SH3GL2: variants seen among roughly 807,000 people sequenced by gnomAD.
The protein encoded by SH3GL2 is endophilin-A1.
Under a neutral mutation model 46.0 loss-of-function variants are expected in SH3GL2, and 24 were observed. The ratio of observed to expected loss-of-function variants is 0.52; its 90% CI spans 0.38 to 0.73. The LOEUF is 0.73. SH3GL2 is among the 30% of genes least tolerant of loss of function. SH3GL2 has a pLI of 0.00. For missense variants in SH3GL2, 413 were observed against 424.2 expected, an observed-to-expected ratio of 0.97 and a Z score of 0.23; for synonymous variants, 196 against 147.1, an observed-to-expected ratio of 1.33 and a Z score of -2.40.
chr9:17,795,494 T>C (rs1379268958), intron 8 of SH3GL2, 50 bp from the exon 9 acceptor site: 2 of 1,473,730 alleles, frequency 1.4e-6, no homozygotes, highest in East Asian at 2.3e-5. Flanking sequence ...GTGAGTTAAA[T>C]ACCCCTTATC....
intron 1 of SH3GL2, among the ~76,000 whole-genome samples, chr9:17,641,314 G>C (rs1304087128): frequency 6.6e-6 from 1 of 152,156 alleles, no homozygotes; most frequent in African/African-American, 2.4e-5. Context: ...TCAAGGGACA[G>C]ATGTATGAAT....
chr9:17,766,737 A>C (rs1304111294), intron 3 of SH3GL2, among the ~76,000 whole-genome samples: 2 of 152,064 alleles, frequency 1.3e-5, no homozygotes, highest in Non-Finnish European at 2.9e-5. Flanking sequence ...TTCAATTTGG[A>C]CTAGCCACAT....
intron 3 of SH3GL2, among the ~76,000 whole-genome samples, chr9:17,779,271 G>T (rs1169134889): frequency 2.6e-5 from 4 of 152,140 alleles, no homozygotes; most frequent in African/African-American, 9.7e-5. Flanking sequence ...ATATGCATCA[G>T]GTTGACCACC....
chr9:17,760,719 C>T (rs1050696930), intron 2 of SH3GL2, among the ~76,000 whole-genome samples: 7 of 152,014 alleles, frequency 4.6e-5, no homozygotes, highest in Non-Finnish European at 7.4e-5. Flanking sequence ...CCATGTAGGG[C>T]GAATAGGAGG....
chr9:17,690,005 C>G (rs897867865), intron 1 of SH3GL2, among the ~76,000 whole-genome samples: 3 of 152,106 alleles, frequency 2.0e-5, no homozygotes, highest in Non-Finnish European at 2.9e-5. Flanking sequence ...TGAAAGAATT[C>G]TCAAATTGTG....
chr9:17,584,330 G>A (rs759938317), intron 1 of SH3GL2, among the ~76,000 whole-genome samples: 3 of 152,182 alleles, frequency 2.0e-5, no homozygotes, highest in African/African-American at 7.2e-5. Flanking sequence ...GTGAAACCTC[G>A]TCTCTACTAA....
chr9:17,580,272 TTAAA>T (rs1389896588), intron 1 of SH3GL2, among the ~76,000 whole-genome samples: 4 of 152,228 alleles, frequency 2.6e-5, no homozygotes, highest in South Asian at 4.1e-4. Flanking sequence ...TGATTTGGTG[TTAAA>T]TAGTTTTTCA....
chr9:17,655,292 C>T (rs1434113948), intron 1 of SH3GL2, among the ~76,000 whole-genome samples: 1 of 152,118 alleles, frequency 6.6e-6, no homozygotes, highest in Admixed American at 6.6e-5. Flanking sequence ...AGAAGGATGG[C>T]AAGGGGTGTA....
intron 2 of SH3GL2, among the ~76,000 whole-genome samples, chr9:17,751,094 G>T (rs1000300085): frequency 2.0e-5 from 3 of 152,132 alleles, no homozygotes; most frequent in Non-Finnish European, 4.4e-5. Flanking sequence ...AAATTATTGT[G>T]GGAAATCCCT....
At chr9:17,696,817 G>A (rs1396382613) in intron 1 of SH3GL2, among the ~76,000 whole-genome samples, 1 of 151,860 alleles carries the variant, frequency 6.6e-6, no homozygotes, top group Non-Finnish European at 1.5e-5. Flanking sequence ...TCCTTTTTTC[G>A]ATTTTTCATA....
chr9:17,794,480 C>A (rs956086873), intron 8 of SH3GL2, among the ~76,000 whole-genome samples: 1 of 152,174 alleles, frequency 6.6e-6, no homozygotes, highest in African/African-American at 2.4e-5. Flanking sequence ...TGGAGCTGGC[C>A]ACCAGGACTA....
chr9:17,796,329 G>T lies in SH3GL2; in HGVS notation c.*586G>T. ...GGCATCTCAGCTCCTCACACTTATG[G>T]CTATTTCTGACGTATAGCCAGTTTT... On this transcript the variant is annotated 3_prime_UTR_variant, in exon 9 of 9. Transcript: ENST00000380607. The T allele has an allele frequency of 6.6e-6, 1 of 152,610 alleles. No homozygotes were observed. The highest frequency in any genetic ancestry group is 1.9e-4 in the East Asian group (1 of 5,184). 9.5% of individuals were successfully genotyped at this position (152,610 alleles called of 1,614,324 possible). A position where few individuals can be genotyped will look rare whatever the true frequency, so the allele number is the denominator to read the frequency against.
At chr9:17,750,824 C>T (rs1310609926) in intron 2 of SH3GL2, among the ~76,000 whole-genome samples, 2 of 152,252 alleles carry the variant, frequency 1.3e-5, no homozygotes, top group East Asian at 3.9e-4. Context: ...TGGAAAGTGC[C>T]TCCATGTTAA....
chr9:17,630,503 G>A (rs1194794092), intron 1 of SH3GL2: 1 of 152,240 alleles, frequency 6.6e-6, no homozygotes, highest in South Asian at 2.1e-4. Context: ...AAGTGATCAC[G>A]CGTATCAATG....
intron 3 of SH3GL2, among the ~76,000 whole-genome samples, chr9:17,781,950 A>G (rs752991447): frequency 2.6e-5 from 4 of 152,084 alleles, no homozygotes; most frequent in Admixed American, 2.0e-4. Flanking sequence ...GTGAGTGAGC[A>G]CTCTGACTCT....
intron 1 of SH3GL2, among the ~76,000 whole-genome samples, chr9:17,605,036 A>G (rs1818738710): frequency 6.7e-6 from 1 of 149,618 alleles, no homozygotes; most frequent in African/African-American, 2.5e-5. Flanking sequence ...GCAGGGGGAC[A>G]GTCATGGCTC....
chr9:17,737,605 G>C (rs1362209102), intron 1 of SH3GL2, among the ~76,000 whole-genome samples: 1 of 152,078 alleles, frequency 6.6e-6, no homozygotes, highest in Non-Finnish European at 1.5e-5. Context: ...CGTCCTCTGA[G>C]CTTGCTTATA....
In SH3GL2 at chr9:17,777,171, G is replaced by A. The variant is rs557829756; in HGVS notation, c.188-9210G>A. Among the ~76,000 whole-genome samples, 6 of 152,132 alleles carry A rather than the reference G, an allele frequency of 3.9e-5. 1 individual carries two copies. The highest frequency in any genetic ancestry group is 1.4e-4 in the African/African-American group (6 of 41,488). ...TAAAGCATTTAGTCAGTAAAATATT[G>A]TTACCCAAGGACTCAATAACCATGC... On this transcript the variant is annotated intron_variant, in intron 3 of 8. Transcript: ENST00000380607.
chr9:17,679,059 G>T (rs1322059039), intron 1 of SH3GL2, among the ~76,000 whole-genome samples: 1 of 152,108 alleles, frequency 6.6e-6, no homozygotes, highest in Non-Finnish European at 1.5e-5. Context: ...TTGAAGTCAG[G>T]TAGTGTGATG....
Sources: allele counts gnomAD v4.1 joint callset (sites outside exome capture counted in the v4.1 genomes callset), GRCh38; gene constraint gnomAD v4.1.1; transcripts MANE v1.5; gene names NCBI Gene and HGNC (gene_info 2026-07-23, HGNC 2026-07-21).